The following GRM8 variants were observed in gnomAD, a reference collection of about 807,000 sequenced individuals.
GRM8 encodes glutamate metabotropic receptor 8.
GRM8 carries 47 observed loss-of-function variants against 87.2 expected under a neutral mutation model. The observed-to-expected ratio is 0.54, with a 90% CI of 0.43 to 0.69. GRM8 has a LOEUF of 0.69. Ranked by LOEUF, GRM8 falls within the 30% of genes least tolerant of loss-of-function variation. GRM8 has a pLI of 0.00. For synonymous variants in GRM8, 396 were observed against 404.5 expected (o/e 0.98, Z 0.25); for missense variants, 1,019 against 1,139.2 (o/e 0.89, Z 1.52).
chr7:127,147,100 T>C (rs762688269), intron 2 of GRM8, among the ~76,000 whole-genome samples: 15 of 152,062 alleles, frequency 9.9e-5, no homozygotes, highest in Non-Finnish European at 1.8e-4. Context: ...AATATGCAAT[T>C]ATCACACCTT....
chr7:127,086,763 A>G (rs1823548181), intron 3 of GRM8, among the ~76,000 whole-genome samples: 1 of 152,200 alleles, frequency 6.6e-6, no homozygotes, highest in Admixed American at 6.5e-5. Context: ...GGTGCAGTGC[A>G]TCTTATGGAA....
At chr7:126,818,702 T>C (rs886526486) in intron 6 of GRM8, among the ~76,000 whole-genome samples, 2 of 152,204 alleles carry the variant, frequency 1.3e-5, no homozygotes, top group Non-Finnish European at 2.9e-5. Flanking sequence ...AGGTAAGTAA[T>C]TTTTCTCTAG....
intron 3 of GRM8, among the ~76,000 whole-genome samples, chr7:127,012,327 G>A (rs1044404046): frequency 7.0e-4 from 106 of 152,018 alleles, no homozygotes; most frequent in African/African-American, 2.3e-3. Context: ...CTGTATACCC[G>A]GTGTGCCCAA....
At chr7:126,451,994 T>A (rs532130861) in intron 9 of GRM8, among the ~76,000 whole-genome samples, 1 of 151,724 alleles carries the variant, frequency 6.6e-6, no homozygotes, top group Non-Finnish European at 1.5e-5. Context: ...AAAAATTCCA[T>A]GAATATTGGG....
At chr7:126,658,114 A>G (rs1804737449) in intron 7 of GRM8, among the ~76,000 whole-genome samples, 1 of 152,260 alleles carries the variant, frequency 6.6e-6, no homozygotes, top group African/African-American at 2.4e-5. Flanking sequence ...AACAGGAAAA[A>G]TAAATAAAGA....
chr7:126,974,655 C>T (rs1810769411), intron 3 of GRM8, among the ~76,000 whole-genome samples: 1 of 152,044 alleles, frequency 6.6e-6, no homozygotes, highest in African/African-American at 2.4e-5. Flanking sequence ...ACTTGGCTGG[C>T]CACAGTGGCT....
chr7:126,869,008 A>G (rs756112172), intron 6 of GRM8: 18 of 152,176 alleles, frequency 1.2e-4, no homozygotes, highest in Admixed American at 1.1e-3. Context: ...TTGGAATTCA[A>G]TCCTCTCAAA....
chr7:126,530,069 A>G (rs1304046163), intron 9 of GRM8, among the ~76,000 whole-genome samples: 1 of 152,244 alleles, frequency 6.6e-6, no homozygotes, highest in East Asian at 1.9e-4. Flanking sequence ...ATGATATATC[A>G]TTGAATAAAG....
chr7:127,175,733 T>C lies in GRM8; in HGVS notation c.510+66962A>G, dbSNP rs1794065597. The stretch of plus-strand genomic sequence containing the variant: ...AAATCACCAACCTGGAAATTCTATA[T>C]CTAGCAAAATTGTTCTTCAAAAGTA... On this transcript the variant is annotated intron_variant, in intron 2 of 10. Coordinates refer to ENST00000339582, the MANE Select transcript of GRM8 (RefSeq NM_000845.3). Among the ~76,000 whole-genome samples the C allele has an allele frequency of 2.0e-5, 3 of 152,188 alleles. No individual in the cohort carries two copies. In the South Asian group the frequency reaches 6.2e-4, roughly 31 times the overall value.
At chr7:127,202,970 C>T (rs748136350) in intron 2 of GRM8, among the ~76,000 whole-genome samples, 7 of 152,274 alleles carry the variant, frequency 4.6e-5, no homozygotes, top group Middle Eastern at 3.4e-3. Context: ...GGCCTAACTA[C>T]GTAGACAATT....
intron 6 of GRM8, among the ~76,000 whole-genome samples, chr7:126,892,701 G>A (rs1801172187): frequency 6.6e-6 from 1 of 152,096 alleles, no homozygotes; most frequent in African/African-American, 2.4e-5. Context: ...AGATCCCTGA[G>A]GAATCACCAC....
At chr7:127,204,520 A>G (rs1795794685) in intron 2 of GRM8, among the ~76,000 whole-genome samples, 1 of 152,170 alleles carries the variant, frequency 6.6e-6, no homozygotes, top group Admixed American at 6.5e-5. Flanking sequence ...GTGAATTTTA[A>G]AGCTGTTAAG....
At chr7:127,187,530 G>A (rs1339174613) in intron 2 of GRM8, among the ~76,000 whole-genome samples, 1 of 152,106 alleles carries the variant, frequency 6.6e-6, no homozygotes, top group African/African-American at 2.4e-5. Context: ...TAGCAAACAG[G>A]AGTTCACCCA....
chr7:126,469,933 G>A (rs868380532), intron 9 of GRM8, among the ~76,000 whole-genome samples: 3 of 152,118 alleles, frequency 2.0e-5, no homozygotes, highest in Admixed American at 6.6e-5. Flanking sequence ...AAGACAGGAC[G>A]ATGTGGGAAA....
chr7:127,032,974 G>T (rs1817517918), intron 3 of GRM8, among the ~76,000 whole-genome samples: 1 of 149,836 alleles, frequency 6.7e-6, no homozygotes, highest in East Asian at 1.9e-4. Context: ...CTTAATCAGT[G>T]GATCTCCAGA....
intron 8 of GRM8, among the ~76,000 whole-genome samples, chr7:126,575,649 A>T (rs937764429): frequency 1.3e-5 from 2 of 152,062 alleles, no homozygotes; most frequent in African/African-American, 4.8e-5. Context: ...AACCAACATA[A>T]TTGAATAATC....
chr7:126,598,147 C>T (rs561125085), intron 8 of GRM8, among the ~76,000 whole-genome samples: 3 of 152,020 alleles, frequency 2.0e-5, no homozygotes, highest in Non-Finnish European at 4.4e-5. Flanking sequence ...ATGTGGTCTA[C>T]CTTTTTTGTT....
At chr7:126,573,364 T>G (rs1212079483) in intron 8 of GRM8, among the ~76,000 whole-genome samples, 1 of 151,994 alleles carries the variant, frequency 6.6e-6, no homozygotes, top group African/African-American at 2.4e-5. Context: ...TAGAGCAAAG[T>G]ATATATATTT....
At chr7:127,049,701 G>A (rs139042756) in intron 3 of GRM8, among the ~76,000 whole-genome samples, 353 of 152,236 alleles carry the variant, frequency 2.3e-3, no homozygotes, top group Admixed American at 5.4e-3. Context: ...ATGTAGAGCT[G>A]TTCTTAACAT....
Sources: allele counts gnomAD v4.1 joint callset (sites outside exome capture counted in the v4.1 genomes callset), GRCh38; gene constraint gnomAD v4.1.1; transcripts MANE v1.5; gene names NCBI Gene and HGNC (gene_info 2026-07-23, HGNC 2026-07-21).